DNAH11: variants seen among roughly 807,000 people sequenced by gnomAD.
DNAH11 encodes the protein axonemal beta dynein heavy chain 11.
Under a neutral mutation model 526.0 loss-of-function variants are expected in DNAH11, and 442 were observed. The ratio of observed to expected loss-of-function variants is 0.84; its 90% CI spans 0.78 to 0.91. The LOEUF (loss-of-function observed/expected upper bound fraction) is 0.91. Ranked by LOEUF, DNAH11 falls within the 40% of genes least tolerant of loss-of-function variation. The pLI is 0.00. For synonymous variants in DNAH11, 2,461 were observed against 1,935.9 expected, an observed-to-expected ratio of 1.27 and a Z score of -7.12; for missense variants, 6,989 against 5,448.7, an observed-to-expected ratio of 1.28 and a Z score of -8.90.
intron 35 of DNAH11, among the ~76,000 whole-genome samples, chr7:21,691,542 T>G (rs1407893462): frequency 6.6e-6 from 1 of 152,188 alleles, no homozygotes; most frequent in African/African-American, 2.4e-5. Context: ...TTTCATAAAT[T>G]ATGAGCTGTT....
At chr7:21,583,468 A>T (rs906069395) in intron 9 of DNAH11, among the ~76,000 whole-genome samples, 1 of 152,206 alleles carries the variant, frequency 6.6e-6, no homozygotes, top group Non-Finnish European at 1.5e-5. Flanking sequence ...AAGACCTAAA[A>T]CCATAATACC....
chr7:21,603,573 C>A (rs1785174191), intron 18 of DNAH11, among the ~76,000 whole-genome samples: 1 of 152,152 alleles, frequency 6.6e-6, no homozygotes, highest in African/African-American at 2.4e-5. Flanking sequence ...GCTCTCTTGA[C>A]TATAAAGACT....
At chr7:21,754,647 T>G (rs1054939850) in intron 54 of DNAH11, among the ~76,000 whole-genome samples, 1 of 151,944 alleles carries the variant, frequency 6.6e-6, no homozygotes, top group African/African-American at 2.4e-5. Flanking sequence ...TTGGTTTTTT[T>G]TGTTTTTGTT....
chr7:21,837,492 G>T (rs1562575781), intron 65 of DNAH11, among the ~76,000 whole-genome samples: 1 of 152,106 alleles, frequency 6.6e-6, no homozygotes, highest in Admixed American at 6.6e-5. Context: ...GACAAATACT[G>T]CCTGCTCTCA....
chr7:21,812,794 A>G (rs1207642515), intron 63 of DNAH11, among the ~76,000 whole-genome samples: 1 of 152,124 alleles, frequency 6.6e-6, no homozygotes, highest in Non-Finnish European at 1.5e-5. Context: ...GTGAGAGGGA[A>G]CTTTTGAAAT....
chr7:21,605,886 A>T (rs1290959461), intron 18 of DNAH11, among the ~76,000 whole-genome samples: 1 of 152,226 alleles, frequency 6.6e-6, no homozygotes, highest in Non-Finnish European at 1.5e-5. Flanking sequence ...CAATTCTGGT[A>T]CATGCTTTGG....
chr7:21,565,109 G>A (rs950429820), intron 6 of DNAH11, among the ~76,000 whole-genome samples: 2 of 152,116 alleles, frequency 1.3e-5, no homozygotes, highest in African/African-American at 4.8e-5. Context: ...CTATGGATTG[G>A]GTAGGTTAAA....
chr7:21,761,900 C>G (rs1317920014), intron 54 of DNAH11, among the ~76,000 whole-genome samples: 2 of 152,084 alleles, frequency 1.3e-5, no homozygotes, highest in Admixed American at 1.3e-4. Flanking sequence ...ATGCCCGAGA[C>G]TGGATAATTT....
chr7:21,719,331 C>G (rs1784787561), intron 43 of DNAH11, among the ~76,000 whole-genome samples: 1 of 152,190 alleles, frequency 6.6e-6, no homozygotes, highest in Non-Finnish European at 1.5e-5. Flanking sequence ...TATATGACGC[C>G]TCTTTAAGTT....
chr7:21,735,491 C>T (rs1244265750), intron 45 of DNAH11, 149 bp from the exon 46 acceptor site: 2 of 674,676 alleles, frequency 3.0e-6, no homozygotes, highest in South Asian at 4.2e-5. Flanking sequence ...GGAATCTCTC[C>T]TGTTGGGTGC....
intron 54 of DNAH11, among the ~76,000 whole-genome samples, chr7:21,755,643 A>T (rs1786597201): frequency 6.6e-6 from 1 of 152,156 alleles, no homozygotes; most frequent in African/African-American, 2.4e-5. Context: ...ACATATTGGT[A>T]TGTTTCCTCT....
At chr7:21,763,897 A>G (rs1787048994) in intron 54 of DNAH11, among the ~76,000 whole-genome samples, 1 of 151,748 alleles carries the variant, frequency 6.6e-6, no homozygotes, top group African/African-American at 2.4e-5. Context: ...AACATGGATG[A>G]ACCTCGAGGA....
chr7:21,763,813 CATATATATACATAT>C, intron 54 of DNAH11, among the ~76,000 whole-genome samples: 1 of 117,326 alleles, frequency 8.5e-6, no homozygotes, highest in African/African-American at 3.0e-5. Context: ...TATACATATA[CATATATATACATAT>C]ATATATATAC....
At chr7:21,780,294 C>G (rs1448390563) in intron 57 of DNAH11, among the ~76,000 whole-genome samples, 1 of 152,088 alleles carries the variant, frequency 6.6e-6, no homozygotes, top group Non-Finnish European at 1.5e-5. Flanking sequence ...CCTGTAATCC[C>G]TGCACTTAGG....
intron 39 of DNAH11, among the ~76,000 whole-genome samples, chr7:21,707,112 C>G (rs1004643130): frequency 1.3e-5 from 2 of 152,158 alleles, no homozygotes; most frequent in East Asian, 1.9e-4. Flanking sequence ...GCTCCTTCCC[C>G]CTTCTTCCCC....
chr7:21,841,819 T>C (rs1472151856), intron 65 of DNAH11, among the ~76,000 whole-genome samples: 1 of 152,188 alleles, frequency 6.6e-6, no homozygotes, highest in East Asian at 1.9e-4. Flanking sequence ...ACACTGAACA[T>C]TGCACTACAA....
chr7:21,558,831 C>G lies in DNAH11; in HGVS notation c.525C>G (p.Asn175Lys). ...EILVPVLSNK[N>K]NHKSWSCFTS... ...TAGTGCCAGTTCTTTCTAATAAGAA[C>G]AACCATAAGTCCTGGTCCTGTTTTA... The change falls in exon 3 of 82, where the codon AAC becomes AAG. Residue 175 changes from asparagine to lysine, a missense_variant. Transcript: ENST00000409508. 6.3e-7 allele frequency: 1 copy of G among 1,592,640 alleles called. No individual in the cohort carries two copies. Among genetic ancestry groups the G allele is most frequent in the Non-Finnish European group, 8.5e-7 (1 of 1,172,054 alleles).
chr7:21,590,994 T>C lies in DNAH11; in HGVS notation c.2246T>C (p.Ile749Thr). The part of the protein sequence containing the change: ...KQDIPDSALA[I>T]FKKRNTILKY... ...GACATACCAGATTCAGCTTTAGCCA[T>C]CTTCAAGAAAAGGAACACTATTTTA... Residue 749 changes from isoleucine to threonine, a missense_variant, in exon 13 of 82, where the codon ATC (isoleucine) becomes ACC (threonine). By Grantham distance (89) the Ile-to-Thr change is moderately conservative. Coordinates refer to ENST00000409508, the MANE Select transcript of DNAH11 (RefSeq NM_001277115.2). The C allele has an allele frequency of 4.6e-6, 7 of 1,518,882 alleles. No individual in the cohort carries two copies. Among genetic ancestry groups the C allele is most frequent in the South Asian group, 1.4e-5 (1 of 70,432 alleles). The allele number at this position is 1,518,882 out of a possible 1,614,324, so 94.1% of individuals were successfully genotyped here.
chr7:21,591,530 T>C lies in DNAH11; in HGVS notation c.2620T>C (p.Tyr874His), dbSNP rs1784689455. 6.3e-7 allele frequency: 1 copy of C among 1,596,102 alleles called. No individual in the cohort carries two copies. Among genetic ancestry groups the C allele is most frequent in the East Asian group, 2.2e-5 (1 of 44,508 alleles). ...CAAGGGTGATTTGTTTACAAAAAAA[T>C]ACAAGTTAATCCAAGGAGATGGCTG... Reference protein sequence around the residue: ...EDKGDLFTKKYKLIQGDGCKI... With the variant: ...EDKGDLFTKKHKLIQGDGCKI... Residue 874 changes from tyrosine (Y) to histidine (H), a missense_variant, in exon 14 of 82, where the codon TAC becomes CAC. By Grantham distance (83) the Tyr-to-His change is moderately conservative. Coordinates refer to ENST00000409508, the MANE Select transcript of DNAH11 (RefSeq NM_001277115.2).
Sources: gnomAD v4.1 joint callset for allele counts (sites outside exome capture counted in the v4.1 genomes callset) on GRCh38, gnomAD v4.1.1 for gene constraint, MANE v1.5 for transcripts, NCBI Gene and HGNC (gene_info 2026-07-23, HGNC 2026-07-21) for gene names.